The following U2SURP variants were observed in gnomAD, a reference collection of about 807,000 sequenced individuals.
U2SURP encodes the protein U2 snRNP-associated SURP motif-containing protein.
In U2SURP, 9 loss-of-function variants were observed where a neutral mutation model predicts 144.9. That is an observed-to-expected ratio of 0.06 (90% CI 0.04 to 0.11). The LOEUF (loss-of-function observed/expected upper bound fraction) is 0.11. Ranked by LOEUF, U2SURP falls within the 10% of genes least tolerant of loss-of-function variation. U2SURP has a pLI of 1.00. For missense variants in U2SURP, 724 were observed against 1,226.7 expected, an observed-to-expected ratio of 0.59 and a Z score of 6.12; for synonymous variants, 408 against 396.8, an observed-to-expected ratio of 1.03 and a Z score of -0.33.
intron 14 of U2SURP, among the ~76,000 whole-genome samples, chr3:143,027,470 G>A (rs1933219369): frequency 6.6e-6 from 1 of 152,152 alleles, no homozygotes; most frequent in Admixed American, 6.6e-5. Context: ...CCCGGCAACT[G>A]CCATTCTACT....
In U2SURP at chr3:143,053,798, T is replaced by C; in HGVS notation, c.2774+4T>C. On this transcript the variant is annotated splice_donor_region_variant and intron_variant, in intron 26 of 27. Coordinates refer to ENST00000473835, the MANE Select transcript of U2SURP (RefSeq NM_001080415.2). ...GTACTCCGACAAGGAAGGAAAGGTA[T>C]AACATTTCTCATATTTAATTGCATA... is the stretch of plus-strand genomic sequence containing the variant. 3.2e-6 allele frequency: 5 copies of C among 1,574,172 alleles called. No individual in the cohort carries two copies. The highest frequency in any genetic ancestry group is 3.4e-6 in the Non-Finnish European group (4 of 1,164,606).
intron 1 of U2SURP, among the ~76,000 whole-genome samples, chr3:143,004,322 A>G (rs557996258): frequency 2.4e-4 from 35 of 147,840 alleles, no homozygotes; most frequent in African/African-American, 6.7e-4. Flanking sequence ...AGATTAAATT[A>G]GATAACCTCT....
At chr3:143,011,979 G>C (rs1344779786) in intron 2 of U2SURP, 2 of 614,114 alleles carry the variant, frequency 3.3e-6, no homozygotes, top group South Asian at 3.0e-5. Flanking sequence ...TAACGAACCT[G>C]TTACTTCAAG....
chr3:143,045,128 T>C (rs753474800), intron 24 of U2SURP, among the ~76,000 whole-genome samples: 2 of 152,070 alleles, frequency 1.3e-5, no homozygotes, highest in Non-Finnish European at 2.9e-5. Context: ...CCCAGCACTT[T>C]GGGAGGTCGA....
chr3:143,013,210 C>G (rs1936200944), intron 3 of U2SURP, among the ~76,000 whole-genome samples: 1 of 151,908 alleles, frequency 6.6e-6, no homozygotes, highest in South Asian at 2.1e-4. Context: ...GGTAATTTTT[C>G]ATTGGGTTTC....
At chr3:143,009,917 A>G (rs1936036925) in intron 1 of U2SURP, among the ~76,000 whole-genome samples, 1 of 152,208 alleles carries the variant, frequency 6.6e-6, no homozygotes, top group African/African-American at 2.4e-5. Context: ...TTGTGATCTC[A>G]ATATTCTTGA....
rs1164036400 is a variant in U2SURP, at chr3:143,055,034, C to T, written c.2866C>T (p.Arg956Cys). ...SPSPKSERSE[R>C]SERSHKESSR... Reference sequence around the variant, plus strand: ...ATCACCAAAATCGGAGCGATCAGAGCGTTCAGAAAGATCTCATAAAGAGAG... The same window carrying T: ...ATCACCAAAATCGGAGCGATCAGAGTGTTCAGAAAGATCTCATAAAGAGAG... Residue 956 changes from arginine to cysteine, a missense_variant, in exon 27 of 28, where the codon CGT becomes TGT. Arg to Cys is a radical substitution (Grantham distance 180). This residue lies in a region of U2SURP where 129 missense variants were observed against 196.1 expected (regional missense o/e 0.66). Coordinates refer to ENST00000473835, the MANE Select transcript of U2SURP (RefSeq NM_001080415.2). The T allele has an allele frequency of 1.2e-6, 2 of 1,607,926 alleles. No individual in the cohort carries two copies. Among genetic ancestry groups the T allele is most frequent in the South Asian group, 2.2e-5 (2 of 89,446 alleles).
chr3:143,007,208 CT>C (rs1935879624), intron 1 of U2SURP, among the ~76,000 whole-genome samples: 1 of 152,120 alleles, frequency 6.6e-6, no homozygotes, highest in African/African-American at 2.4e-5. Flanking sequence ...ATAAATTTCT[CT>C]TGTGTATGCT....
chr3:143,007,651 C>T (rs566436259), intron 1 of U2SURP, among the ~76,000 whole-genome samples: 1 of 152,112 alleles, frequency 6.6e-6, no homozygotes, highest in South Asian at 2.1e-4. Context: ...CTGTGTTAGC[C>T]AGGATGGTCT....
At chr3:143,025,484 AATTAGTCTT>A (rs1578135137) in intron 13 of U2SURP, among the ~76,000 whole-genome samples, 1 of 152,148 alleles carries the variant, frequency 6.6e-6, no homozygotes, top group African/African-American at 2.4e-5. Context: ...TCCACCTAGT[AATTAGTCTT>A]ATACATAAAA....
intron 27 of U2SURP, among the ~76,000 whole-genome samples, chr3:143,055,518 A>G (rs1048368142): frequency 2.6e-5 from 4 of 152,192 alleles, no homozygotes; most frequent in Non-Finnish European, 5.9e-5. Context: ...TTGGAAATAC[A>G]TATCATGAAT....
intron 16 of U2SURP, among the ~76,000 whole-genome samples, chr3:143,031,681 A>G (rs911954700): frequency 6.6e-6 from 1 of 152,148 alleles, no homozygotes; most frequent in Admixed American, 6.5e-5. Flanking sequence ...AAATCAAAAA[A>G]CTTATGTGAT....
intron 27 of U2SURP, 66 bp from the exon 28 acceptor site, chr3:143,056,246 T>A (rs1278652649): frequency 1.3e-6 from 2 of 1,504,508 alleles, no homozygotes; most frequent in African/African-American, 2.8e-5. Flanking sequence ...TTCGATCGTT[T>A]AAGGATAAAC....
intron 25 of U2SURP, among the ~76,000 whole-genome samples, chr3:143,051,675 A>G (rs1391031376): frequency 6.6e-6 from 1 of 151,950 alleles, no homozygotes; most frequent in Non-Finnish European, 1.5e-5. Flanking sequence ...AAGAGCCATA[A>G]AAAGGGAACT....
chr3:143,012,305 A>G lies in U2SURP; in HGVS notation c.174A>G (p.Glu58=), dbSNP rs1299020530. The G allele has an allele frequency of 6.2e-7, 1 of 1,613,276 alleles. No individual in the cohort carries two copies. Among genetic ancestry groups the G allele is most frequent in the Non-Finnish European group, 8.5e-7 (1 of 1,179,442 alleles). The stretch of plus-strand genomic sequence containing the variant: ...CAAGAAAACATAATTATAGGAATGA[A>G]AGTGCCCGTGAAAGCCTTTGTGATT... ...KSPRKHNYRN[E]SARESLCDSP... Residue 58 remains glutamate (E), a synonymous_variant, in exon 3 of 28, where the codon GAA becomes GAG. Transcript: ENST00000473835.
At chr3:143,041,323 T>C (rs1289850873) in intron 23 of U2SURP, among the ~76,000 whole-genome samples, 4 of 151,932 alleles carry the variant, frequency 2.6e-5, no homozygotes, top group Admixed American at 6.5e-5. Flanking sequence ...AACTAAAAAC[T>C]GTATTTAGGA....
At chr3:143,020,904 T>TCAGTA (rs1292162591) in intron 8 of U2SURP, among the ~76,000 whole-genome samples, 2 of 151,866 alleles carry the variant, frequency 1.3e-5, no homozygotes, top group Non-Finnish European at 2.9e-5. Flanking sequence ...ATAGAACAAT[T>TCAGTA]ATAACAATAT....
At chr3:143,029,522 A>G (rs1401237702) in intron 16 of U2SURP, among the ~76,000 whole-genome samples, 3 of 152,214 alleles carry the variant, frequency 2.0e-5, no homozygotes, top group Non-Finnish European at 4.4e-5. Context: ...CTTAATCAAA[A>G]AAGGTGTGTT....
chr3:143,009,600 GA>G (rs537461702), intron 1 of U2SURP, among the ~76,000 whole-genome samples: 149 of 140,798 alleles, frequency 1.1e-3, no homozygotes, highest in Middle Eastern at 3.6e-3. Flanking sequence ...TCTGTCTCAA[GA>G]AAAAAAAAAA....
Sources: allele counts gnomAD v4.1 joint callset (sites outside exome capture counted in the v4.1 genomes callset), GRCh38; gene constraint gnomAD v4.1.1; regional missense constraint gnomAD v4.1.1; transcripts MANE v1.5; gene names NCBI Gene and HGNC (gene_info 2026-07-23, HGNC 2026-07-21).